Variants in GALK2 observed in about 807,000 individuals in gnomAD.
The protein encoded by GALK2 is N-acetylgalactosamine kinase.
In GALK2, 36 loss-of-function variants were observed where a neutral mutation model predicts 52.4. The observed-to-expected ratio is 0.69, with a 90% CI of 0.53 to 0.91. GALK2 has a LOEUF of 0.91. Ranked by LOEUF, GALK2 falls within the 40% of genes least tolerant of loss-of-function variation. The probability of loss-of-function intolerance (pLI) is 0.00; values close to 1 mark genes in which losing one functional copy is unlikely to be tolerated. For missense variants in GALK2, 579 were observed against 559.1 expected (o/e 1.04, Z -0.36); for synonymous variants, 176 against 199.1 (o/e 0.88, Z 0.98).
intron 5 of GALK2, among the ~76,000 whole-genome samples, chr15:49,264,548 C>A (rs908719794): frequency 3.3e-5 from 5 of 152,148 alleles, no homozygotes; most frequent in East Asian, 1.9e-4. Flanking sequence ...GTAATTTGAT[C>A]GTCTGAAGCC....
intron 8 of GALK2, among the ~76,000 whole-genome samples, chr15:49,316,654 A>T (rs187696914): frequency 3.2e-4 from 49 of 151,822 alleles, no homozygotes; most frequent in African/African-American, 1.1e-3. Flanking sequence ...ATCAAGGGCA[A>T]AAAAAAAATT....
intron 8 of GALK2, among the ~76,000 whole-genome samples, chr15:49,293,868 G>A (rs1397585673): frequency 6.6e-6 from 1 of 152,006 alleles, no homozygotes; most frequent in East Asian, 1.9e-4. Context: ...GGGAAGCCGA[G>A]GTGGGTGGAT....
intron 5 of GALK2, among the ~76,000 whole-genome samples, chr15:49,280,905 C>T (rs1048707382): frequency 5.3e-5 from 8 of 152,076 alleles, no homozygotes; most frequent in African/African-American, 1.7e-4. Context: ...GGTGCAACCT[C>T]GGCTCACTGC....
chr15:49,165,737 T>A (rs1410998590), upstream of GALK2, among the ~76,000 whole-genome samples: 2 of 151,968 alleles, frequency 1.3e-5, no homozygotes, highest in Admixed American at 6.6e-5. Flanking sequence ...AAATTTAAAA[T>A]GGCATGTTTG....
chr15:49,196,210 C>G lies in GALK2; in HGVS notation c.54-4952C>G, dbSNP rs2087217585. On this transcript the variant is annotated intron_variant, in intron 1 of 9. Coordinates refer to ENST00000560031, the MANE Select transcript of GALK2 (RefSeq NM_002044.4). ...TTTGTTTATTTTCTAGCTTATGGAG[C>G]TGAGAATTTAGTTTCCTATTATCAT... 2.0e-5 allele frequency among the ~76,000 whole-genome samples: 3 copies of G among 152,004 alleles called. No individual in the cohort carries two copies. The South Asian group carries it at 6.2e-4, about 31-fold the overall frequency.
intron 8 of GALK2, among the ~76,000 whole-genome samples, chr15:49,316,004 A>G (rs2036375924): frequency 6.6e-6 from 1 of 152,342 alleles, no homozygotes; most frequent in Non-Finnish European, 1.5e-5. Context: ...ACTCTCCCTG[A>G]TGGACTATAT....
At chr15:49,195,759 A>G (rs533802009) in intron 1 of GALK2, among the ~76,000 whole-genome samples, 1 of 151,688 alleles carries the variant, frequency 6.6e-6, no homozygotes, top group Admixed American at 6.6e-5. Flanking sequence ...TGATGGTTAG[A>G]GGGTAGAGCC....
At chr15:49,253,781 T>A (rs1821680668) in intron 5 of GALK2, among the ~76,000 whole-genome samples, 1 of 143,774 alleles carries the variant, frequency 7.0e-6, no homozygotes, top group Non-Finnish European at 1.6e-5. Context: ...TATGGAAGAT[T>A]TCACTTTTAT....
At chr15:49,265,541 C>G (rs111654336) in intron 5 of GALK2, among the ~76,000 whole-genome samples, 1 of 152,208 alleles carries the variant, frequency 6.6e-6, no homozygotes, top group Non-Finnish European at 1.5e-5. Context: ...GGCAATGCCT[C>G]GCCCTGTTTT....
chr15:49,259,869 T>C (rs1227305360), intron 5 of GALK2, among the ~76,000 whole-genome samples: 1 of 152,098 alleles, frequency 6.6e-6, no homozygotes, highest in East Asian at 1.9e-4. Flanking sequence ...CTGAGAATGA[T>C]GATTTCCAGT....
chr15:49,358,778 A>T (rs558434784), intron 3 of GALK2, among the ~76,000 whole-genome samples: 1 of 152,330 alleles, frequency 6.6e-6, no homozygotes, highest in East Asian at 1.9e-4. Context: ...CTGCATCGCC[A>T]AGTCAAACTT....
At chr15:49,187,581 A>T (rs1035107024) in intron 1 of GALK2, among the ~76,000 whole-genome samples, 4 of 152,022 alleles carry the variant, frequency 2.6e-5, no homozygotes, top group African/African-American at 9.7e-5. Context: ...AGAGTAAGGA[A>T]CCTTAGGAAT....
rs776852711 is a variant in GALK2, at chr15:49,217,278, C to T, written c.231C>T (p.Tyr77=). ...TAGCTGTAGAACCTGTGAAAACGTA[C>T]GCTCTCCAACTGGCCAATACAAATC... ...VLIAVEPVKT[Y]ALQLANTNPL... The change falls in exon 3 of 10, where the codon TAC becomes TAT. Residue 77 remains tyrosine, a synonymous_variant. Transcript: ENST00000560031. 8.7e-6 allele frequency: 14 copies of T among 1,613,788 alleles called. No individual in the cohort carries two copies. Among genetic ancestry groups the T allele is most frequent in the African/African-American group, 1.3e-5 (1 of 75,026 alleles).
chr15:49,188,361 G>A (rs115061858), intron 1 of GALK2, among the ~76,000 whole-genome samples: 2,668 of 152,256 alleles, frequency 0.018, 99 homozygotes, highest in African/African-American at 0.062. Context: ...GCTTCCATGG[G>A]CACTGGCTGA....
intron 3 of GALK2, among the ~76,000 whole-genome samples, chr15:49,346,038 A>G (rs1403292799): frequency 1.4e-5 from 2 of 143,280 alleles, no homozygotes; most frequent in African/African-American, 2.6e-5. Context: ...GCTTTTGGTC[A>G]CTTGCTTTTG....
intron 2 of GALK2, among the ~76,000 whole-genome samples, chr15:49,212,375 T>C (rs1441990225): frequency 6.6e-6 from 1 of 152,142 alleles, no homozygotes; most frequent in Admixed American, 6.5e-5. Flanking sequence ...GGATTACAGG[T>C]GTGAGCCAGT....
At chr15:49,310,426 G>A (rs971788976) in intron 8 of GALK2, among the ~76,000 whole-genome samples, 5 of 152,048 alleles carry the variant, frequency 3.3e-5, no homozygotes, top group African/African-American at 1.2e-4. Context: ...TGAATCATAT[G>A]GTAGTTCTAT....
At chr15:49,238,623 C>T (rs1478727436) in intron 4 of GALK2, among the ~76,000 whole-genome samples, 2 of 152,130 alleles carry the variant, frequency 1.3e-5, no homozygotes, top group Non-Finnish European at 2.9e-5. Context: ...CTCTCGTCTC[C>T]CTATGTGTCA....
intron 3 of GALK2, among the ~76,000 whole-genome samples, chr15:49,354,370 C>T (rs562621264): frequency 9.2e-5 from 14 of 152,176 alleles, no homozygotes; most frequent in Admixed American, 5.2e-4. Flanking sequence ...AGACAGTGGG[C>T]GCAGGTCAGT....
Sources: allele counts gnomAD v4.1 joint callset (sites outside exome capture counted in the v4.1 genomes callset), GRCh38; gene constraint gnomAD v4.1.1; transcripts MANE v1.5; gene names NCBI Gene and HGNC (gene_info 2026-07-23, HGNC 2026-07-21).